Variants in RAPGEF4 observed in about 807,000 individuals in gnomAD.
The protein encoded by RAPGEF4 is Rap guanine nucleotide exchange factor 4, also known as RAP guanine-nucleotide-exchange factor (GEF) 4.
In RAPGEF4, 66 loss-of-function variants were observed where a neutral mutation model predicts 147.9. The observed-to-expected ratio is 0.45, with a 90% CI of 0.37 to 0.55. The LOEUF is 0.55. Among genes scored for constraint, RAPGEF4 ranks in the 20% least tolerant of loss-of-function variants. RAPGEF4 has a pLI of 0.00. For synonymous variants in RAPGEF4, 419 were observed against 442.7 expected (o/e 0.95, Z 0.67); for missense variants, 1,071 against 1,257.3 (o/e 0.85, Z 2.24).
intron 30 of RAPGEF4, 48 bp downstream of exon 30, chr2:173,048,702 G>A (rs772460079): frequency 2.5e-6 from 4 of 1,613,074 alleles, no homozygotes; most frequent in Non-Finnish European, 2.5e-6. Context: ...TGGTGATTAA[G>A]GTCTTCTTAA....
chr2:172,826,152 T>C (rs969278657), intron 4 of RAPGEF4, among the ~76,000 whole-genome samples: 1 of 152,200 alleles, frequency 6.6e-6, no homozygotes, highest in Admixed American at 6.5e-5. Context: ...TTGCTTTCTT[T>C]TGCCTCCATG....
In RAPGEF4 at chr2:173,020,572, T is replaced by A. The variant is rs1275441208; in HGVS notation, c.2156-46T>A. Reference sequence around the variant, plus strand: ...GGTGTGATTAGGGCAGTGCAGCAAATCTCAGATGTATTTAATAGGCAATCT... The same window carrying A: ...GGTGTGATTAGGGCAGTGCAGCAAAACTCAGATGTATTTAATAGGCAATCT... On this transcript the variant is annotated intron_variant, in intron 22 of 30. Coordinates refer to ENST00000397081, the MANE Select transcript of RAPGEF4 (RefSeq NM_007023.4). The A allele has an allele frequency of 2.0e-6, 3 of 1,479,266 alleles. No individual in the cohort carries two copies. In the South Asian group the frequency reaches 3.4e-5, roughly 17 times the overall value. The allele number at this position is 1,479,266 out of a possible 1,614,324, so 91.6% of individuals were successfully genotyped here.
At chr2:173,044,073 G>A (rs764074258) in intron 29 of RAPGEF4, among the ~76,000 whole-genome samples, 2 of 152,152 alleles carry the variant, frequency 1.3e-5, no homozygotes, top group African/African-American at 4.8e-5. Flanking sequence ...ACCGAGCAGC[G>A]CTGTCTTATA....
intron 1 of RAPGEF4, among the ~76,000 whole-genome samples, chr2:172,787,153 G>A (rs765785103): frequency 3.9e-5 from 6 of 152,000 alleles, no homozygotes; most frequent in African/African-American, 7.3e-5. Context: ...TAGAGGTTGC[G>A]GTGAGCCAAG....
At chr2:172,881,002 A>G (rs1696556088) in intron 4 of RAPGEF4, among the ~76,000 whole-genome samples, 1 of 152,214 alleles carries the variant, frequency 6.6e-6, no homozygotes, top group Non-Finnish European at 1.5e-5. Context: ...TTATCTTTTA[A>G]AAATGGCTTC....
chr2:172,931,614 C>A (rs1685987048), intron 6 of RAPGEF4, among the ~76,000 whole-genome samples: 1 of 152,136 alleles, frequency 6.6e-6, no homozygotes, highest in Admixed American at 6.5e-5. Context: ...AAGCCACACC[C>A]AAACCTTCCT....
intron 4 of RAPGEF4, among the ~76,000 whole-genome samples, chr2:172,847,512 C>T (rs1049469412): frequency 1.3e-5 from 2 of 152,136 alleles, no homozygotes; most frequent in East Asian, 1.9e-4. Flanking sequence ...ACCAGAAAGC[C>T]GGGACTGAAG....
intron 4 of RAPGEF4, among the ~76,000 whole-genome samples, chr2:172,854,596 A>G (rs1384801185): frequency 6.6e-6 from 1 of 152,110 alleles, no homozygotes; most frequent in Non-Finnish European, 1.5e-5. Flanking sequence ...GATTGGATTT[A>G]GGTTTACCAT....
intron 1 of RAPGEF4, among the ~76,000 whole-genome samples, chr2:172,791,611 T>C (rs1406659825): frequency 2.6e-5 from 4 of 152,188 alleles, no homozygotes; most frequent in Non-Finnish European, 5.9e-5. Context: ...CTTTTCATTG[T>C]TTCTGAGGCT....
At chr2:172,812,842 G>A (rs190845407) in intron 3 of RAPGEF4, among the ~76,000 whole-genome samples, 211 of 152,298 alleles carry the variant, frequency 1.4e-3, no homozygotes, top group Non-Finnish European at 2.3e-3. Flanking sequence ...CTATTCCAGA[G>A]AATTGTGAAA....
At chr2:172,751,415 C>T (rs1695280644) in intron 1 of RAPGEF4, among the ~76,000 whole-genome samples, 1 of 152,058 alleles carries the variant, frequency 6.6e-6, no homozygotes, top group African/African-American at 2.4e-5. Flanking sequence ...GTAAGGAATA[C>T]AGTGGTGATA....
At chr2:172,959,001 A>G (rs938912653) in intron 6 of RAPGEF4, among the ~76,000 whole-genome samples, 2 of 152,206 alleles carry the variant, frequency 1.3e-5, no homozygotes, top group African/African-American at 4.8e-5. Context: ...TTTTATTAGG[A>G]CTAGAGGGAA....
intron 5 of RAPGEF4, among the ~76,000 whole-genome samples, chr2:172,921,413 A>G (rs1684746009): frequency 6.6e-6 from 1 of 152,202 alleles, no homozygotes; most frequent in Non-Finnish European, 1.5e-5. Flanking sequence ...TAATGCTGAT[A>G]CTGTAAATCC....
chr2:173,041,793 A>G (rs1324957200), intron 29 of RAPGEF4, among the ~76,000 whole-genome samples: 1 of 152,108 alleles, frequency 6.6e-6, no homozygotes, highest in Non-Finnish European at 1.5e-5. Context: ...TTTTGGCCTC[A>G]GGGTTTTTTG....
chr2:172,804,070 G>T (rs752932955), intron 3 of RAPGEF4, among the ~76,000 whole-genome samples: 1 of 152,050 alleles, frequency 6.6e-6, no homozygotes, highest in African/African-American at 2.4e-5. Context: ...TGAGATTTGG[G>T]TGGGGACACA....
At chr2:172,805,838 A>T (rs893651512) in intron 3 of RAPGEF4, among the ~76,000 whole-genome samples, 1 of 152,200 alleles carries the variant, frequency 6.6e-6, no homozygotes, top group Non-Finnish European at 1.5e-5. Flanking sequence ...TAGGGCTAAA[A>T]GTCAGATATT....
At chr2:173,016,049 TATCTA>T (rs1401741557) in intron 18 of RAPGEF4, among the ~76,000 whole-genome samples, 1 of 152,250 alleles carries the variant, frequency 6.6e-6, no homozygotes, top group Non-Finnish European at 1.5e-5. Flanking sequence ...GTAAAATAGA[TATCTA>T]ATATAAATTT....
intron 24 of RAPGEF4, 78 bp from the exon 25 acceptor site, chr2:173,027,003 T>A: frequency 7.6e-7 from 1 of 1,313,638 alleles, no homozygotes; most frequent in Non-Finnish European, 1.0e-6. Context: ...AGTAAAACAC[T>A]GTCTTGACAA....
In RAPGEF4 at chr2:172,935,427, T is replaced by C. The variant is rs376641236; in HGVS notation, c.537+13127T>C. ...TAGGTGGGATACACAGCTCTGTTGA[T>C]GGGGAGGTCTGTGCCCAGAAGGAGG... is the stretch of plus-strand genomic sequence containing the variant. On this transcript the variant is annotated intron_variant, in intron 6 of 30. Transcript: ENST00000397081. 2.6e-5 allele frequency among the ~76,000 whole-genome samples: 4 copies of C among 152,162 alleles called. No homozygotes were observed. In the East Asian group the frequency reaches 5.8e-4, roughly 22 times the overall value.
Sources: allele counts gnomAD v4.1 joint callset (sites outside exome capture counted in the v4.1 genomes callset), GRCh38; gene constraint gnomAD v4.1.1; transcripts MANE v1.5; gene names NCBI Gene and HGNC (gene_info 2026-07-23, HGNC 2026-07-21).